The following GATC variants were observed in gnomAD, a reference collection of about 807,000 sequenced individuals.
The protein encoded by GATC is glutamyl-tRNA(Gln) amidotransferase subunit C, mitochondrial.
A neutral mutation model predicts 14.4 loss-of-function variants in GATC; 11 were observed. The ratio of observed to expected loss-of-function variants is 0.77; its 90% CI spans 0.48 to 1.27. The LOEUF is 1.27. Among genes scored for constraint, GATC ranks in the 50% most tolerant of loss-of-function variants. The pLI, the probability that GATC is intolerant of heterozygous loss-of-function variation, is 0.00. For synonymous variants in GATC, 76 were observed against 79.3 expected (o/e 0.96, Z 0.22); for missense variants, 204 against 183.0 (o/e 1.11, Z -0.66).
rs1010980554 is a variant in GATC, at chr12:120,455,100, C to G, written c.255-1976C>G. 7.2e-5 allele frequency: 23 copies of G among 321,300 alleles called. 2 individuals are homozygous for G. The highest frequency in any genetic ancestry group is 5.3e-4 in the South Asian group (23 of 43,636). The allele number at this position is 321,300 out of a possible 1,614,324, so 19.9% of individuals were successfully genotyped here. ...ACAGGGTTTCACCATATTGGATGGTCTCGAACTCCTGACCTCAGGTGATCC... is the reference window on the plus strand; with the variant it reads ...ACAGGGTTTCACCATATTGGATGGTGTCGAACTCCTGACCTCAGGTGATCC... On this transcript the variant is annotated intron_variant, in intron 2 of 3. Coordinates refer to ENST00000551765, the MANE Select transcript of GATC (RefSeq NM_176818.3).
chr12:120,457,249 G>C (rs188248519), intron 3 of GATC, 70 bp downstream of exon 3: 1 of 1,163,804 alleles, frequency 8.6e-7, no homozygotes, highest in East Asian at 2.4e-5. Flanking sequence ...GGAAGCATGA[G>C]GACCAAAGAT....
Position 120,446,645 on chromosome 12 carries a change from T to C in GATC, c.82-12T>C. ...CCGGTGACCCACACTCCCCGCCTCA[T>C]CCCTCCTCCAGGGCAGTGGCCGGAT... On this transcript the variant is annotated splice_polypyrimidine_tract_variant and intron_variant, in intron 1 of 3. Transcript: ENST00000551765. 1 of 1,605,194 alleles carries C rather than the reference T, an allele frequency of 6.2e-7. No individual in the cohort carries two copies.
At position 120,461,336 on chromosome 12, in the gene GATC, T is replaced by A. The variant is rs1878333599; in HGVS notation, c.*1377T>A. ...GTGAACTCCTGGCCTCAAGGGATCCTCTGGCATGCCTTGGCCTCCCAAAGG... is the reference window on the plus strand; with the variant it reads ...GTGAACTCCTGGCCTCAAGGGATCCACTGGCATGCCTTGGCCTCCCAAAGG... On this transcript the variant is annotated 3_prime_UTR_variant, in exon 4 of 4. Transcript: ENST00000551765. 6.6e-6 allele frequency: 1 copy of A among 152,154 alleles called. No homozygotes were observed. Among genetic ancestry groups the A allele is most frequent in the Admixed American group, 6.5e-5 (1 of 15,270 alleles). The allele number at this position is 152,154 out of a possible 1,614,324, so 9.4% of individuals were successfully genotyped here. A position where few individuals can be genotyped will look rare whatever the true frequency, so the allele number is the denominator to read the frequency against.
intron 2 of GATC, chr12:120,450,914 G>A (rs1878023461): frequency 6.6e-6 from 1 of 152,154 alleles, no homozygotes; most frequent in Non-Finnish European, 1.5e-5. Flanking sequence ...GGCCGAGGCA[G>A]GCAGATCACT....
chr12:120,459,634 A>G (rs1407012151), intron 3 of GATC, among the ~76,000 whole-genome samples: 1 of 152,194 alleles, frequency 6.6e-6, no homozygotes, highest in Non-Finnish European at 1.5e-5. Context: ...AGGAGGGCGG[A>G]TCACGAGGTC....
intron 2 of GATC, among the ~76,000 whole-genome samples, chr12:120,455,312 G>A (rs934820449): frequency 5.3e-5 from 8 of 151,940 alleles, no homozygotes; most frequent in African/African-American, 1.9e-4. Flanking sequence ...GGGATCACAC[G>A]TGCGTGCCAC....
At chr12:120,448,653 T>TC (rs1304273374) in intron 2 of GATC, among the ~76,000 whole-genome samples, 1 of 145,028 alleles carries the variant, frequency 6.9e-6, no homozygotes, top group East Asian at 2.0e-4. Flanking sequence ...TTTTTTTTTT[T>TC]TTTTTTTTTT....
In GATC at chr12:120,461,969, AAGC is replaced by A. The variant is rs750852833; in HGVS notation, c.*2014_*2016del. On this transcript the variant is annotated 3_prime_UTR_variant, in exon 4 of 4. Coordinates refer to ENST00000551765, the MANE Select transcript of GATC (RefSeq NM_176818.3). ...ATCTGGAATGTAGATTCTGAGCACAAAGCAGCTCAGTTAACCTAAAAAATAAAG... is the reference window on the plus strand; with the variant it reads ...ATCTGGAATGTAGATTCTGAGCACAAAGCTCAGTTAACCTAAAAAATAAAG... The A allele has an allele frequency of 1.3e-6, 2 of 1,540,186 alleles. No individual in the cohort carries two copies. The highest frequency in any genetic ancestry group is 2.5e-5 in the South Asian group (2 of 81,522).
At chr12:120,447,131 C>CAGTG (rs1231149182) in intron 2 of GATC, among the ~76,000 whole-genome samples, 4 of 148,848 alleles carry the variant, frequency 2.7e-5, no homozygotes, top group African/African-American at 9.9e-5. Context: ...GGCTGGAGTG[C>CAGTG]AGTGGCTCGA....
intron 2 of GATC, among the ~76,000 whole-genome samples, chr12:120,451,876 T>TTTTTTTTCTTTC: frequency 9.5e-6 from 1 of 105,722 alleles, no homozygotes; most frequent in Admixed American, 1.0e-4. Context: ...ATATAAATTC[T>TTTTTTTTCTTTC]TTTTTTTTTT....
intron 2 of GATC, among the ~76,000 whole-genome samples, chr12:120,452,292 G>A (rs1878072126): frequency 6.6e-6 from 1 of 152,106 alleles, no homozygotes; most frequent in Non-Finnish European, 1.5e-5. Flanking sequence ...AAGTTTCACA[G>A]GTAATAAGCA....
At chr12:120,449,116 C>T (rs1365136464) in intron 2 of GATC, among the ~76,000 whole-genome samples, 1 of 151,888 alleles carries the variant, frequency 6.6e-6, no homozygotes, top group Non-Finnish European at 1.5e-5. Context: ...GTGCCCACTA[C>T]CACGCCTGGC....
In GATC at chr12:120,459,986, CTG is replaced by C. The variant is rs767438541; in HGVS notation, c.*30_*31del. The C allele has an allele frequency of 3.2e-6, 5 of 1,571,916 alleles. No individual in the cohort carries two copies. The highest frequency in any genetic ancestry group is 1.1e-5 in the South Asian group (1 of 89,816). On this transcript the variant is annotated 3_prime_UTR_variant, in exon 4 of 4. Transcript: ENST00000551765. Reference sequence around the variant, plus strand: ...TAGCTCATTCTGGAAAGGGGGTACTCTGTGAACATGTGGAAGCATAATGACAG... The same window carrying C: ...TAGCTCATTCTGGAAAGGGGGTACTCTGAACATGTGGAAGCATAATGACAG...
chr12:120,462,154 A>C lies in GATC; in HGVS notation c.*2195A>C, dbSNP rs778875064. 5 of 1,610,752 alleles carry C rather than the reference A, an allele frequency of 3.1e-6. No homozygotes were observed. In the African/African-American group the frequency reaches 6.7e-5, roughly 22 times the overall value. On this transcript the variant is annotated 3_prime_UTR_variant, in exon 4 of 4. Coordinates refer to ENST00000551765, the MANE Select transcript of GATC (RefSeq NM_176818.3). ...TCTCAGGATAAACTCGGATGTAGGA[A>C]GTTTCACCCTGAAATGCAAACAAAA...
chr12:120,457,910 T>C (rs1878230734), intron 3 of GATC, among the ~76,000 whole-genome samples: 1 of 143,746 alleles, frequency 7.0e-6, no homozygotes, highest in Non-Finnish European at 1.5e-5. Flanking sequence ...TGTGTGGCCT[T>C]AGCCCAGATG....
In GATC at chr12:120,451,875, C is replaced by CTTTTTTTTTTTTCT. The variant is rs1592984307; in HGVS notation, c.254+5058_254+5059insCTTTTTTTTTTTTT. Among the ~76,000 whole-genome samples the CTTTTTTTTTTTTCT allele has an allele frequency of 3.1e-3, 283 of 90,812 alleles. 12 individuals are homozygous for CTTTTTTTTTTTTCT. The highest frequency in any genetic ancestry group is 0.026 in the East Asian group (66 of 2,572). 59.6% of individuals were successfully genotyped at this position (90,812 alleles called of 152,430 possible). A position where few individuals can be genotyped will look rare whatever the true frequency, so the allele number is the denominator to read the frequency against. ...CAGGGGCTAATAAATTATATAAATT[C>CTTTTTTTTTTTTCT]TTTTTTTTTTTTTTTTTTTTGAGCT... On this transcript the variant is annotated intron_variant, in intron 2 of 3. Coordinates refer to ENST00000551765, the MANE Select transcript of GATC (RefSeq NM_176818.3).
chr12:120,458,898 T>C (rs2137045512), intron 3 of GATC, among the ~76,000 whole-genome samples: 1 of 152,328 alleles, frequency 6.6e-6, no homozygotes, highest in Middle Eastern at 3.4e-3. Context: ...TCTTGCTCTG[T>C]TGCCCAAGCT....
intron 2 of GATC, among the ~76,000 whole-genome samples, chr12:120,449,842 A>C (rs980156349): frequency 1.2e-4 from 18 of 151,646 alleles, no homozygotes; most frequent in African/African-American, 3.9e-4. Flanking sequence ...AGCTCACCAC[A>C]ACCTCTGCCT....
At chr12:120,448,881 C>T (rs1489161218) in intron 2 of GATC, among the ~76,000 whole-genome samples, 1 of 151,140 alleles carries the variant, frequency 6.6e-6, no homozygotes, top group African/African-American at 2.4e-5. Context: ...CATGACCTCA[C>T]AGTCCACCCG....
Sources: gnomAD v4.1 joint callset for allele counts (sites outside exome capture counted in the v4.1 genomes callset) on GRCh38, gnomAD v4.1.1 for gene constraint, MANE v1.5 for transcripts, NCBI Gene and HGNC (gene_info 2026-07-23, HGNC 2026-07-21) for gene names.